Variants in AHNAK2 observed in about 807,000 individuals in gnomAD.
AHNAK2 encodes AHNAK nucleoprotein 2, also known as protein AHNAK2.
Under a neutral mutation model 30.7 loss-of-function variants are expected in AHNAK2, and 18 were observed. The observed-to-expected ratio is 0.59, with a 90% CI of 0.41 to 0.87. AHNAK2 has a LOEUF of 0.87. AHNAK2 is among the 40% of genes least tolerant of loss of function. AHNAK2 has a pLI of 0.00. For missense variants in AHNAK2, 8,604 were observed against 7,373.0 expected (o/e 1.17, Z -6.11); for synonymous variants, 3,590 against 3,073.8 (o/e 1.17, Z -5.56).
intron 1 of AHNAK2, chr14:104,970,350 C>G (rs1457798129): frequency 1.1e-6 from 1 of 908,224 alleles, no homozygotes; most frequent in Non-Finnish European, 1.3e-6. Flanking sequence ...ATGCCTAGCC[C>G]AGCTCTGTTC....
chr14:104,950,696 C>G lies in AHNAK2; in HGVS notation c.4755G>C (p.Lys1585Asn), dbSNP rs773992448. The G allele has an allele frequency of 3.1e-6, 5 of 1,587,966 alleles. 1 individual carries two copies. In the Admixed American group the frequency reaches 8.7e-5, roughly 28 times the overall value. Residue 1585 changes from lysine (K) to asparagine (N), a missense_variant, in exon 7 of 7, where the codon AAG becomes AAC. By Grantham distance (94) the Lys-to-Asn change is moderately conservative. Transcript: ENST00000333244. ...HLPKVQMPSF[K>N]MPKVDLKGPQ... Reference sequence around the variant, plus strand: ...GCCCCTTGAGGTCCACTTTGGGCATCTTGAAACTGGGCATCTGCACTTTGG... The same window carrying G: ...GCCCCTTGAGGTCCACTTTGGGCATGTTGAAACTGGGCATCTGCACTTTGG...
At chr14:104,959,345 G>A (rs1054491465) in intron 1 of AHNAK2, among the ~76,000 whole-genome samples, 2 of 152,026 alleles carry the variant, frequency 1.3e-5, no homozygotes, top group Admixed American at 6.6e-5. Context: ...GCTAATTTTC[G>A]TACGTTTAGG....
chr14:104,947,630 C>T lies in AHNAK2; in HGVS notation c.7821G>A (p.Val2607=). Residue 2607 remains valine (V), a synonymous_variant, in exon 7 of 7, where the codon GTG becomes GTA. Coordinates refer to ENST00000333244, the MANE Select transcript of AHNAK2 (RefSeq NM_138420.4). ...GPKAEVTAPD[V]EMSLSSMEVD... is the part of the protein sequence containing the mutation. ...CCTCCATGCTGGACAGAGACATCTC[C>T]ACATCGGGGGCTGTCACTTCCGCCT... The T allele has an allele frequency of 1.2e-6, 2 of 1,613,096 alleles. No homozygotes were observed. Among genetic ancestry groups the T allele is most frequent in the Admixed American group, 1.7e-5 (1 of 59,944 alleles).
At position 104,948,637 on chromosome 14, in the gene AHNAK2, C is replaced by G. The variant is rs2819433; in HGVS notation, c.6814G>C (p.Val2272Leu). The G allele has an allele frequency of 7.4e-6, 12 of 1,611,722 alleles. 1 individual carries two copies. In the African/African-American group the frequency reaches 1.6e-4, roughly 22 times the overall value. The change falls in exon 7 of 7, where the codon GTG becomes CTG. Residue 2272 changes from valine to leucine, a missense_variant. Physicochemically the swap from Val to Leu is conservative, Grantham distance 32 (BLOSUM62 1). Transcript: ENST00000333244. ...KLDLKDPKVE[V>L]TAPDVEVSLP... ...GACACCTCCACATCAGGGGCTGTCA[C>G]TTCCACCTTGGGGTCTTTTAGGTCC... is the stretch of plus-strand genomic sequence containing the variant.
Position 104,978,249 on chromosome 14 carries a change from G to A in AHNAK2, c.-12C>T. On this transcript the variant is annotated 5_prime_UTR_variant, in exon 1 of 7. Coordinates refer to ENST00000333244, the MANE Select transcript of AHNAK2 (RefSeq NM_138420.4). ...AAGCAGTCGCACATCGCGGCGGCCA[G>A]GCGGTGCGGGCCTGGCGGCCCGTCG... 8.3e-7 allele frequency: 1 copy of A among 1,199,508 alleles called. No individual in the cohort carries two copies. The highest frequency in any genetic ancestry group is 3.5e-5 in the East Asian group (1 of 28,328). The allele number at this position is 1,199,508 out of a possible 1,614,324, so 74.3% of individuals were successfully genotyped here. A position where few individuals can be genotyped will look rare whatever the true frequency, so the allele number is the denominator to read the frequency against.
chr14:104,967,909 C>T (rs975483894), intron 1 of AHNAK2, among the ~76,000 whole-genome samples: 1 of 152,350 alleles, frequency 6.6e-6, no homozygotes, highest in Non-Finnish European at 1.5e-5. Context: ...CCTGAGGAAG[C>T]CCCGCCTCGG....
intron 1 of AHNAK2, among the ~76,000 whole-genome samples, chr14:104,968,134 C>T (rs1899360806): frequency 6.6e-6 from 1 of 152,246 alleles, no homozygotes; most frequent in Admixed American, 6.5e-5. Context: ...CCTTCCCCCA[C>T]TCCCCGGGCC....
chr14:104,963,870 T>C (rs568198453), intron 1 of AHNAK2, among the ~76,000 whole-genome samples: 61 of 147,854 alleles, frequency 4.1e-4, no homozygotes, highest in African/African-American at 1.4e-3. Flanking sequence ...GAGAAAAGAA[T>C]TAAGAGCTTC....
rs759834140 is a variant in AHNAK2 at position 104,946,115 on chromosome 14, A to G, written c.9336T>C (p.Asp3112=). Residue 3112 remains aspartate (D), a synonymous_variant, in exon 7 of 7, where the codon GAT becomes GAC. Coordinates refer to ENST00000333244, the MANE Select transcript of AHNAK2 (RefSeq NM_138420.4). Reference sequence around the variant, plus strand: ...CCAACTTGGCTCCTGGGGCCTCGACATCCACCTCCATGCCGGGCTGAGACA... The same window carrying G: ...CCAACTTGGCTCCTGGGGCCTCGACGTCCACCTCCATGCCGGGCTGAGACA... ...VEVSQPGMEV[D]VEAPGAKLDG... is the part of the protein sequence containing the mutation. 3.4e-4 allele frequency: 551 copies of G among 1,607,342 alleles called. No homozygotes were observed. The highest frequency in any genetic ancestry group is 4.0e-4 in the Non-Finnish European group (473 of 1,177,262).
chr14:104,957,241 C>T (rs886375166), intron 3 of AHNAK2, among the ~76,000 whole-genome samples, 169 bp downstream of exon 3: 1 of 152,244 alleles, frequency 6.6e-6, no homozygotes, highest in Non-Finnish European at 1.5e-5. Flanking sequence ...TGGCCGGCCA[C>T]AGGGAGGGAC....
Position 104,939,027 on chromosome 14 carries a change from T to C in AHNAK2, c.16424A>G (p.Gln5475Arg), listed in dbSNP as rs375860743. ...VHIQGAQVES[Q>R]EVTIHSIVTP... Reference sequence around the variant, plus strand: ...CACTATGCTGTGTATAGTGACCTCTTGACTTTCAACCTGAGCACCCTGAAT... The same window carrying C: ...CACTATGCTGTGTATAGTGACCTCTCGACTTTCAACCTGAGCACCCTGAAT... Residue 5475 changes from glutamine to arginine, a missense_variant, in exon 7 of 7, where the codon CAA becomes CGA. Coordinates refer to ENST00000333244, the MANE Select transcript of AHNAK2 (RefSeq NM_138420.4). 1.4e-5 allele frequency: 22 copies of C among 1,609,212 alleles called. No homozygotes were observed. Among genetic ancestry groups the C allele is most frequent in the Non-Finnish European group, 1.9e-5 (22 of 1,177,882 alleles).
Position 104,953,738 on chromosome 14 carries a change from C to T in AHNAK2, c.1713G>A (p.Lys571=), listed in dbSNP as rs1251336473. The change falls in exon 7 of 7, where the codon AAG becomes AAA. Residue 571 remains lysine, a synonymous_variant. Coordinates refer to ENST00000333244, the MANE Select transcript of AHNAK2 (RefSeq NM_138420.4). ...TCTGTCCTTCTGTGTCTTCCCTGCC[C>T]TTGTCCTGTTCCTCAGTGATCCTTG... ...QRTRITEEQD[K]GREDTEGQIR... 3 of 1,613,826 alleles carry T rather than the reference C, an allele frequency of 1.9e-6. No individual in the cohort carries two copies. Among genetic ancestry groups the T allele is most frequent in the Non-Finnish European group, 2.5e-6 (3 of 1,179,910 alleles).
At position 104,952,042 on chromosome 14, in the gene AHNAK2, C is replaced by CTT. The variant is rs1898753818; in HGVS notation, c.3408_3409insAA (p.Gly1137LysfsTer21). 5 of 1,602,706 alleles carry CTT rather than the reference C, an allele frequency of 3.1e-6. No individual in the cohort carries two copies. The highest frequency in any genetic ancestry group is 2.9e-5 in the African/African-American group (2 of 69,316). On this transcript the variant is annotated frameshift_variant, in exon 7 of 7. Transcript: ENST00000333244. LOFTEE classifies it low-confidence loss of function (END_TRUNC). ...AGCCGCGCACTGTCCAGCTTGGCTC[C>CTT]CGGGGCCTCGACGTCCACCTCCACG...
In AHNAK2 at chr14:104,949,693, C is replaced by G; in HGVS notation, c.5758G>C (p.Asp1920His). 6.3e-7 allele frequency: 1 copy of G among 1,587,220 alleles called. No homozygotes were observed. Among genetic ancestry groups the G allele is most frequent in the Non-Finnish European group, 8.6e-7 (1 of 1,162,804 alleles). ...ACATCTGTCTGGGGGCCCTTGAGGT[C>G]CACTTTGGGCATCTTGAAACTGGGC... is the stretch of plus-strand genomic sequence containing the variant. ...DMPSFKMPKV[D>H]LKGPQTDVKG... Residue 1920 changes from aspartate to histidine, a missense_variant, in exon 7 of 7, where the codon GAC becomes CAC. Physicochemically the swap from Asp to His is moderately conservative, Grantham distance 81. Transcript: ENST00000333244.
In AHNAK2 at chr14:104,948,063, G is replaced by C. The variant is rs199976398; in HGVS notation, c.7388C>G (p.Ala2463Gly). ...VEAPGAKLDG[A>G]WLEGDLSVAD... The stretch of plus-strand genomic sequence containing the variant: ...CACAGACAGGTCCCCCTCCAGCCAC[G>C]CACCATCCAGCTTGGCTCCCGGGGC... The change falls in exon 7 of 7, where the codon GCG (alanine) becomes GGG (glycine). Residue 2463 changes from alanine to glycine, a missense_variant. Ala to Gly is a moderately conservative substitution (Grantham distance 60). Transcript: ENST00000333244. The C allele has an allele frequency of 7.4e-6, 12 of 1,612,770 alleles. No individual in the cohort carries two copies. The highest frequency in any genetic ancestry group is 3.3e-4 in the Middle Eastern group (2 of 6,082).
At position 104,943,030 on chromosome 14, in the gene AHNAK2, G is replaced by A. The variant is rs1387411558; in HGVS notation, c.12421C>T (p.Pro4141Ser). ...SKFKMPKFKM[P>S]SFGVSAPGKS... ...CCTGGGGCCGACACCCCGAATGATGGCATCTTGAACTTGGGCATTTTGAAC... is the reference window on the plus strand; with the variant it reads ...CCTGGGGCCGACACCCCGAATGATGACATCTTGAACTTGGGCATTTTGAAC... The change falls in exon 7 of 7, where the codon CCA becomes TCA. Residue 4141 changes from proline (P) to serine (S), a missense_variant. Pro to Ser is a moderately conservative substitution (Grantham distance 74). Transcript: ENST00000333244. 2.5e-6 allele frequency: 4 copies of A among 1,612,976 alleles called. No individual in the cohort carries two copies. Among genetic ancestry groups the A allele is most frequent in the Non-Finnish European group, 2.5e-6 (3 of 1,179,468 alleles).
In AHNAK2 at chr14:104,944,732, G is replaced by C. The variant is rs967655620; in HGVS notation, c.10719C>G (p.Gly3573=). The C allele has an allele frequency of 5.0e-6, 8 of 1,612,394 alleles. No individual in the cohort carries two copies. The African/African-American group carries it at 6.7e-5, about 14-fold the overall frequency. ...TGGGGCCCTTAACATCTATCTGGGGGCCCTTGAGGTCCACTTTGGGCGTCT... is the reference window on the plus strand; with the variant it reads ...TGGGGCCCTTAACATCTATCTGGGGCCCCTTGAGGTCCACTTTGGGCGTCT... ...SLKTPKVDLK[G]PQIDVKGPKL... Residue 3573 remains glycine, a synonymous_variant, in exon 7 of 7, where the codon GGC becomes GGG. Coordinates refer to ENST00000333244, the MANE Select transcript of AHNAK2 (RefSeq NM_138420.4).
In AHNAK2 at chr14:104,952,240, G is replaced by A. The variant is rs201871830; in HGVS notation, c.3211C>T (p.Leu1071=). ...CCTTTAAGGCCAGCTCCCTCGGGCA[G>A]GTGGCCCTCCGGGAGCTTCACATCC... The part of the protein sequence containing the change: ...QVDVKLPEGH[L]PEGAGLKGHL... Residue 1071 remains leucine (L), a synonymous_variant, in exon 7 of 7, where the codon CTG becomes TTG. Transcript: ENST00000333244. The A allele has an allele frequency of 5.3e-5, 85 of 1,606,564 alleles. No individual in the cohort carries two copies. In the South Asian group the frequency reaches 6.7e-4, roughly 13 times the overall value.
rs1451382268 is a variant in AHNAK2, at chr14:104,953,086, C to T, written c.2365G>A (p.Ala789Thr). 1 of 1,613,448 alleles carries T rather than the reference C, an allele frequency of 6.2e-7. No individual in the cohort carries two copies. ...DLKGPKAEVTAPDVKMSLSSM... is the reference protein window; with the variant it reads ...DLKGPKAEVTTPDVKMSLSSM... ...GACAGAGACATCTTCACATCGGGGG[C>T]TGTCACTTCCGCCTTGGGGCCTTTC... The change falls in exon 7 of 7, where the codon GCC (alanine) becomes ACC (threonine). Residue 789 changes from alanine (A) to threonine (T), a missense_variant. By Grantham distance (58) the Ala-to-Thr change is moderately conservative. Transcript: ENST00000333244.
Sources: gnomAD v4.1 joint callset for allele counts (sites outside exome capture counted in the v4.1 genomes callset) on GRCh38, gnomAD v4.1.1 for gene constraint, MANE v1.5 for transcripts, NCBI Gene and HGNC (gene_info 2026-07-23, HGNC 2026-07-21) for gene names.